Variants in MYRIP observed in about 807,000 individuals in gnomAD.
MYRIP encodes the protein myosin VIIA and Rab interacting protein.
A neutral mutation model predicts 98.0 loss-of-function variants in MYRIP; 49 were observed. The observed-to-expected ratio is 0.50, with a 90% CI of 0.40 to 0.63. The LOEUF (loss-of-function observed/expected upper bound fraction) is 0.63. Ranked by LOEUF, MYRIP falls within the 30% of genes least tolerant of loss-of-function variation. The pLI is 0.00. For missense variants in MYRIP, 1,004 were observed against 1,058.2 expected, an observed-to-expected ratio of 0.95 and a Z score of 0.71; for synonymous variants, 404 against 409.5, an observed-to-expected ratio of 0.99 and a Z score of 0.16.
At chr3:39,945,309 CAAAAAAAAAAAAA>C (rs57600928) in intron 2 of MYRIP, among the ~76,000 whole-genome samples, 1 of 42,948 alleles carries the variant, frequency 2.3e-5, no homozygotes, top group Admixed American at 3.8e-4. Context: ...ATCTCTACTA[CAAAAAAAAAAAAA>C]AAAAAAAAAA....
intron 2 of MYRIP, among the ~76,000 whole-genome samples, chr3:39,933,197 C>A (rs1282482318): frequency 6.6e-6 from 1 of 152,206 alleles, no homozygotes; most frequent in Non-Finnish European, 1.5e-5. Flanking sequence ...TGGGCCAAAT[C>A]TGGACTACCA....
chr3:40,020,805 G>C (rs758347454), intron 2 of MYRIP, among the ~76,000 whole-genome samples: 1 of 152,096 alleles, frequency 6.6e-6, no homozygotes, highest in South Asian at 2.1e-4. Context: ...ACTGTTGGCA[G>C]TGTACCTCTC....
intron 2 of MYRIP, among the ~76,000 whole-genome samples, chr3:39,989,825 T>G: frequency 6.6e-6 from 1 of 152,222 alleles, no homozygotes; most frequent in Non-Finnish European, 1.5e-5. Context: ...CTGTGGGGGA[T>G]ACCTCTTGGG....
chr3:40,196,952 G>T (rs186007354), intron 10 of MYRIP, among the ~76,000 whole-genome samples: 1 of 152,296 alleles, frequency 6.6e-6, no homozygotes. Flanking sequence ...GACAAAGCCA[G>T]CTGAAAGCAG....
intron 3 of MYRIP, among the ~76,000 whole-genome samples, chr3:40,068,805 A>G (rs561315963): frequency 6.6e-6 from 1 of 152,338 alleles, no homozygotes; most frequent in South Asian, 2.1e-4. Context: ...TGTTGTCTTT[A>G]CATGTTCCCA....
At chr3:39,844,307 CT>C (rs1482564823) in intron 1 of MYRIP, among the ~76,000 whole-genome samples, 6 of 152,198 alleles carry the variant, frequency 3.9e-5, no homozygotes, top group African/African-American at 1.4e-4. Flanking sequence ...AAGGAATTCC[CT>C]TTACTAATAT....
chr3:40,055,828 G>C (rs940982672), intron 3 of MYRIP, among the ~76,000 whole-genome samples: 1 of 152,082 alleles, frequency 6.6e-6, no homozygotes, highest in African/African-American at 2.4e-5. Flanking sequence ...AGACAGCAAG[G>C]GTAAGCTGAG....
chr3:40,233,838 T>C, intron 11 of MYRIP, 21 bp from the exon 12 acceptor site: 1 of 1,606,290 alleles, frequency 6.2e-7, no homozygotes, highest in South Asian at 1.1e-5. Flanking sequence ...TTCTGTCCCC[T>C]TCTGTTATCG....
At chr3:39,874,949 C>T (rs543272452) in intron 1 of MYRIP, among the ~76,000 whole-genome samples, 19 of 152,172 alleles carry the variant, frequency 1.2e-4, no homozygotes, top group South Asian at 1.0e-3. Flanking sequence ...AGGTAGAATT[C>T]GGCTGTGAAT....
At chr3:40,037,525 A>G (rs1412237568) in intron 2 of MYRIP, among the ~76,000 whole-genome samples, 3 of 152,172 alleles carry the variant, frequency 2.0e-5, no homozygotes, top group Middle Eastern at 3.4e-3. Context: ...AATTTCTCAC[A>G]AGGAAATTCC....
At chr3:40,173,322 T>C (rs1950665840) in intron 8 of MYRIP, 1 of 152,140 alleles carries the variant, frequency 6.6e-6, no homozygotes, top group African/African-American at 2.4e-5. Context: ...CTGCACTCCA[T>C]TGTCTCCTGT....
chr3:40,112,421 GAACTGGGCC>G (rs1463403920), intron 3 of MYRIP, among the ~76,000 whole-genome samples: 1 of 152,152 alleles, frequency 6.6e-6, no homozygotes, highest in African/African-American at 2.4e-5. Context: ...ATGAATTATT[GAACTGGGCC>G]AACCCTCAAT....
At chr3:40,153,992 T>A (rs2125578003) in intron 4 of MYRIP, among the ~76,000 whole-genome samples, 1 of 151,972 alleles carries the variant, frequency 6.6e-6, no homozygotes, top group African/African-American at 2.4e-5. Flanking sequence ...TACAAAAAAT[T>A]AGCTGGGCAT....
rs535478746 is a variant in MYRIP, at chr3:39,873,897, G to A, written c.-30-26890G>A. ...GAAGAAAGGCATTGGTAGCTTGATG[G>A]GAATGGCATTGAATCTGTAAATTAC... On this transcript the variant is annotated intron_variant, in intron 1 of 16. Coordinates refer to ENST00000302541, the MANE Select transcript of MYRIP (RefSeq NM_015460.4). Among the ~76,000 whole-genome samples, 11 of 152,192 alleles carry A rather than the reference G, an allele frequency of 7.2e-5. No individual in the cohort carries two copies. The East Asian group carries it at 1.2e-3, about 16-fold the overall frequency.
At position 39,906,279 on chromosome 3, in the gene MYRIP, C is replaced by T. The variant is rs573516861; in HGVS notation, c.110+5353C>T. Reference sequence around the variant, plus strand: ...TTCATCTCTGTTGATAGAGCCTCTACGGGTGAGGCACCCCATGATATGGGC... The same window carrying T: ...TTCATCTCTGTTGATAGAGCCTCTATGGGTGAGGCACCCCATGATATGGGC... On this transcript the variant is annotated intron_variant, in intron 2 of 16. Transcript: ENST00000302541. Among the ~76,000 whole-genome samples the T allele has an allele frequency of 4.1e-4, 62 of 152,234 alleles. No individual in the cohort carries two copies. The South Asian group carries it at 1.0e-2, about 25-fold the overall frequency.
intron 12 of MYRIP, among the ~76,000 whole-genome samples, chr3:40,238,232 T>G (rs758499638): frequency 5.3e-5 from 8 of 152,240 alleles, no homozygotes; most frequent in Non-Finnish European, 1.2e-4. Context: ...TTTGAACTCA[T>G]GTGCTTTTGA....
intron 3 of MYRIP, among the ~76,000 whole-genome samples, chr3:40,128,272 T>C (rs2125916142): frequency 6.6e-6 from 1 of 152,232 alleles, no homozygotes; most frequent in East Asian, 1.9e-4. Context: ...AACAGTCCAG[T>C]GGCAGCAGGC....
At chr3:40,169,902 A>G (rs746179087) in intron 7 of MYRIP, 48 bp from the exon 8 acceptor site, 90 of 1,612,138 alleles carry the variant, frequency 5.6e-5, no homozygotes, top group Admixed American at 1.2e-4. Context: ...ACATAGCATC[A>G]GGAGGCCTCT....
intron 3 of MYRIP, among the ~76,000 whole-genome samples, chr3:40,150,463 C>T (rs1950098234): frequency 6.6e-6 from 1 of 152,188 alleles, no homozygotes; most frequent in Non-Finnish European, 1.5e-5. Flanking sequence ...GTGCTTCAAT[C>T]TGAATGAGGA....
Sources: gnomAD v4.1 joint callset for allele counts (sites outside exome capture counted in the v4.1 genomes callset) on GRCh38, gnomAD v4.1.1 for gene constraint, MANE v1.5 for transcripts, NCBI Gene and HGNC (gene_info 2026-07-23, HGNC 2026-07-21) for gene names.